The following SEMA6D variants were observed in gnomAD, a reference collection of about 807,000 sequenced individuals.
The protein encoded by SEMA6D is semaphorin-6D.
SEMA6D carries 35 observed loss-of-function variants against 106.6 expected under a neutral mutation model. The observed-to-expected ratio is 0.33, with a 90% CI of 0.25 to 0.44. SEMA6D has a LOEUF of 0.44. Ranked by LOEUF, SEMA6D falls within the 20% of genes least tolerant of loss-of-function variation. The probability of loss-of-function intolerance (pLI) is 1.00; values close to 1 mark genes in which losing one functional copy is unlikely to be tolerated. For synonymous variants in SEMA6D, 499 were observed against 487.7 expected (o/e 1.02, Z -0.31); for missense variants, 1,185 against 1,345.9 (o/e 0.88, Z 1.87).
intron 1 of SEMA6D, among the ~76,000 whole-genome samples, chr15:47,262,744 A>AT (rs529003063): frequency 1.2e-4 from 18 of 152,230 alleles, no homozygotes; most frequent in South Asian, 8.3e-4. Context: ...AGCCAAGACA[A>AT]TCCTAAGCAA....
At chr15:47,272,394 A>G (rs1008554254) in intron 1 of SEMA6D, among the ~76,000 whole-genome samples, 2 of 152,134 alleles carry the variant, frequency 1.3e-5, no homozygotes, top group Non-Finnish European at 2.9e-5. Flanking sequence ...GACATTGAAC[A>G]AGGCAGATTC....
At chr15:47,592,432 A>T (rs1011148738) in intron 3 of SEMA6D, among the ~76,000 whole-genome samples, 12 of 152,192 alleles carry the variant, frequency 7.9e-5, no homozygotes, top group African/African-American at 2.9e-4. Context: ...GAAAGCAGCC[A>T]TATTTAGTTC....
chr15:47,635,873 G>A (rs1240923725), intron 4 of SEMA6D, among the ~76,000 whole-genome samples: 1 of 151,428 alleles, frequency 6.6e-6, no homozygotes, highest in East Asian at 1.9e-4. Context: ...AATACAAGGT[G>A]AGAGTCAGAA....
intron 3 of SEMA6D, among the ~76,000 whole-genome samples, chr15:47,517,028 G>C (rs535059454): frequency 2.0e-5 from 3 of 152,304 alleles, no homozygotes; most frequent in Non-Finnish European, 4.4e-5. Context: ...ATTTTCAGGA[G>C]TCAGTGCTAC....
intron 3 of SEMA6D, among the ~76,000 whole-genome samples, chr15:47,596,545 T>C (rs1742249666): frequency 6.6e-6 from 1 of 152,096 alleles, no homozygotes; most frequent in African/African-American, 2.4e-5. Context: ...TACAAAGCTA[T>C]AGTACATAGA....
chr15:47,442,692 A>G (rs2041917090), intron 2 of SEMA6D, among the ~76,000 whole-genome samples: 1 of 152,076 alleles, frequency 6.6e-6, no homozygotes, highest in Admixed American at 6.6e-5. Context: ...AGTCCATATT[A>G]CTGTTATTTG....
chr15:47,607,733 C>CT (rs1253621371), intron 4 of SEMA6D, among the ~76,000 whole-genome samples: 1 of 152,158 alleles, frequency 6.6e-6, no homozygotes, highest in Admixed American at 6.6e-5. Context: ...GAAATATGGG[C>CT]TTGTAGCCCA....
intron 2 of SEMA6D, among the ~76,000 whole-genome samples, chr15:47,442,095 T>C (rs2041900257): frequency 6.6e-6 from 1 of 152,104 alleles, no homozygotes; most frequent in Admixed American, 6.6e-5. Flanking sequence ...GTAAATAGCT[T>C]GGGGAAAGAT....
intron 3 of SEMA6D, chr15:47,525,268 C>T (rs1048226611): frequency 1.3e-5 from 2 of 152,202 alleles, no homozygotes; most frequent in Admixed American, 6.5e-5. Context: ...CTGAAGATGG[C>T]CTAAAATCAC....
rs145073310 is a variant in SEMA6D at position 47,764,236 on chromosome 15, G to A, written c.1028G>A (p.Arg343Gln). The A allele has an allele frequency of 2.7e-5, 44 of 1,613,766 alleles. No individual in the cohort carries two copies. In the East Asian group the frequency reaches 2.9e-4, roughly 11 times the overall value. The change falls in exon 11 of 19, where the codon CGG becomes CAG. Residue 343 changes from arginine to glutamine, a missense_variant. This residue lies in a region of SEMA6D where 291 missense variants were observed against 423.8 expected (regional missense o/e 0.69). Transcript: ENST00000536845. Reference protein sequence around the residue: ...MDDIEKVFKGRFKEQKTPDSV... With the variant: ...MDDIEKVFKGQFKEQKTPDSV... ...GACATTGAAAAAGTATTCAAAGGACGGTTTAAGGAACAGAAAACTCCAGAT... is the reference window on the plus strand; with the variant it reads ...GACATTGAAAAAGTATTCAAAGGACAGTTTAAGGAACAGAAAACTCCAGAT...
At chr15:47,343,718 C>CGT (rs907991582) in intron 1 of SEMA6D, among the ~76,000 whole-genome samples, 2 of 152,046 alleles carry the variant, frequency 1.3e-5, no homozygotes, top group Admixed American at 6.5e-5. Context: ...AATAAACATA[C>CGT]GTGTGTGTGT....
intron 3 of SEMA6D, among the ~76,000 whole-genome samples, chr15:47,534,877 C>T (rs1007370909): frequency 1.3e-5 from 2 of 152,042 alleles, no homozygotes; most frequent in African/African-American, 4.8e-5. Context: ...TTACATATTA[C>T]ATATCTGCCA....
At chr15:47,422,713 C>T (rs1327398138) in intron 2 of SEMA6D, among the ~76,000 whole-genome samples, 1 of 152,054 alleles carries the variant, frequency 6.6e-6, no homozygotes, top group Non-Finnish European at 1.5e-5. Context: ...ATTTCTGCTT[C>T]CACATAATCA....
At chr15:47,675,404 G>A (rs2078222710) in intron 4 of SEMA6D, among the ~76,000 whole-genome samples, 1 of 152,162 alleles carries the variant, frequency 6.6e-6, no homozygotes, top group Admixed American at 6.5e-5. Context: ...CACACAGAGA[G>A]ACCAGAAGGG....
At chr15:47,415,024 T>C (rs2140332822) in intron 2 of SEMA6D, among the ~76,000 whole-genome samples, 1 of 152,320 alleles carries the variant, frequency 6.6e-6, no homozygotes, top group African/African-American at 2.4e-5. Context: ...AAAATACTTT[T>C]TGGGACTTCA....
intron 1 of SEMA6D, among the ~76,000 whole-genome samples, chr15:47,342,564 T>G (rs934413746): frequency 1.3e-5 from 2 of 152,256 alleles, no homozygotes; most frequent in Non-Finnish European, 2.9e-5. Context: ...CTACCATTAC[T>G]CACTTTAGCA....
In SEMA6D at chr15:47,496,727, G is replaced by A. The variant is rs570747871; in HGVS notation, c.-87+26182G>A. On this transcript the variant is annotated intron_variant, in intron 3 of 19. Coordinates refer to the SEMA6D transcript ENST00000558014. ...TTCCCATGTTTTTTTCTGATTTCTT[G>A]TTTGCCTGGATTCTCTTTTAAGAAT... Among the ~76,000 whole-genome samples the A allele has an allele frequency of 7.9e-5, 12 of 151,684 alleles. No homozygotes were observed. In the South Asian group the frequency reaches 1.0e-3, roughly 13 times the overall value.
At chr15:47,408,965 G>T (rs892109814) in intron 1 of SEMA6D, among the ~76,000 whole-genome samples, 2 of 152,202 alleles carry the variant, frequency 1.3e-5, no homozygotes, top group African/African-American at 4.8e-5. Flanking sequence ...CGTCTGTTTT[G>T]TTGCCAGTTG....
chr15:47,478,915 A>G (rs2043072925), intron 3 of SEMA6D, among the ~76,000 whole-genome samples: 1 of 152,104 alleles, frequency 6.6e-6, no homozygotes, highest in Non-Finnish European at 1.5e-5. Flanking sequence ...GAGTGTGCAG[A>G]GGAACTACCC....
Sources: gnomAD v4.1 joint callset for allele counts (sites outside exome capture counted in the v4.1 genomes callset) on GRCh38, gnomAD v4.1.1 for gene constraint, gnomAD v4.1.1 regional missense constraint, MANE v1.5 for transcripts, NCBI Gene and HGNC (gene_info 2026-07-23, HGNC 2026-07-21) for gene names.